PADI1: variants seen among roughly 807,000 people sequenced by gnomAD.
The protein encoded by PADI1 is protein-arginine deiminase type-1.
In PADI1, 65 loss-of-function variants were observed where a neutral mutation model predicts 74.8. That is an observed-to-expected ratio of 0.87 (90% CI 0.71 to 1.07). The LOEUF (loss-of-function observed/expected upper bound fraction) is 1.07, where lower values mean the gene tolerates loss of function less well. Ranked by LOEUF, PADI1 falls within the 50% of genes least tolerant of loss-of-function variation. The probability of loss-of-function intolerance (pLI) is 0.00; values close to 1 mark genes in which losing one functional copy is unlikely to be tolerated. For missense variants in PADI1, 943 were observed against 854.0 expected (o/e 1.10, Z -1.30); for synonymous variants, 371 against 336.2 (o/e 1.10, Z -1.13).
chr1:17,219,262 C>T (rs1194899451), intron 1 of PADI1, among the ~76,000 whole-genome samples: 1 of 151,906 alleles, frequency 6.6e-6, no homozygotes, highest in Non-Finnish European at 1.5e-5. Flanking sequence ...ATCTATGGGA[C>T]TATCCTGGGG....
intron 11 of PADI1, 109 bp from the exon 12 acceptor site, chr1:17,237,205 G>A (rs2072664614): frequency 3.1e-6 from 4 of 1,285,848 alleles, no homozygotes; most frequent in Admixed American, 2.3e-5. Flanking sequence ...CACGTTTAAA[G>A]CGTTCTTTGA....
chr1:17,209,149 T>C (rs974240333), intron 1 of PADI1, among the ~76,000 whole-genome samples: 5 of 152,214 alleles, frequency 3.3e-5, no homozygotes, highest in Admixed American at 2.6e-4. Context: ...AGTAAATTAA[T>C]GCTTTTAACT....
intron 1 of PADI1, among the ~76,000 whole-genome samples, chr1:17,206,394 C>T (rs888678499): frequency 5.9e-5 from 9 of 152,246 alleles, no homozygotes; most frequent in African/African-American, 2.2e-4. Context: ...GGTGGCAGGG[C>T]TGGGGAGGAA....
intron 10 of PADI1, among the ~76,000 whole-genome samples, chr1:17,231,943 G>GTT (rs2072501390): frequency 6.6e-6 from 1 of 151,618 alleles, no homozygotes; most frequent in South Asian, 2.1e-4. Context: ...ACACGTGTTT[G>GTT]TTTGTTTGTT....
intron 1 of PADI1, among the ~76,000 whole-genome samples, chr1:17,210,236 C>A (rs1028374861): frequency 9.9e-5 from 15 of 151,902 alleles, no homozygotes; most frequent in African/African-American, 2.4e-5. Context: ...TGGCTCAGTG[C>A]AACCTCAAAC....
intron 11 of PADI1, 105 bp from the exon 12 acceptor site, chr1:17,237,209 T>G: frequency 7.5e-7 from 1 of 1,331,842 alleles, no homozygotes; most frequent in African/African-American, 1.5e-5. Flanking sequence ...TTTAAAGCGT[T>G]CTTTGAGCAA....
chr1:17,237,642 G>A (rs1227740718), intron 12 of PADI1, among the ~76,000 whole-genome samples, 184 bp downstream of exon 12: 1 of 152,136 alleles, frequency 6.6e-6, no homozygotes, highest in Non-Finnish European at 1.5e-5. Flanking sequence ...TTTGTGCTTG[G>A]ACCCAAATCC....
At chr1:17,211,556 G>A (rs140045682) in intron 1 of PADI1, among the ~76,000 whole-genome samples, 15 of 152,274 alleles carry the variant, frequency 9.9e-5, no homozygotes, top group East Asian at 7.7e-4. Flanking sequence ...GCAGACACGC[G>A]GAGACACAGA....
At chr1:17,213,178 C>T (rs972761724) in intron 1 of PADI1, among the ~76,000 whole-genome samples, 1 of 15,478 alleles carries the variant, frequency 6.5e-5, no homozygotes, top group East Asian at 0.012. Context: ...GAAGTGGGGA[C>T]GTAATCTCCT....
At chr1:17,237,733 T>C (rs1464851880) in intron 12 of PADI1, among the ~76,000 whole-genome samples, 1 of 152,250 alleles carries the variant, frequency 6.6e-6, no homozygotes, top group African/African-American at 2.4e-5. Context: ...TACTCACATG[T>C]TTTAATTCAT....
intron 1 of PADI1, among the ~76,000 whole-genome samples, chr1:17,211,173 C>A (rs999015823): frequency 1.3e-5 from 2 of 151,842 alleles, no homozygotes; most frequent in Admixed American, 1.3e-4. Context: ...CCCTCTGTGA[C>A]TGTAATGATC....
intron 15 of PADI1, among the ~76,000 whole-genome samples, chr1:17,243,369 A>G (rs1421087327): frequency 1.3e-5 from 2 of 152,238 alleles, no homozygotes; most frequent in Admixed American, 1.3e-4. Context: ...TGGCCAGATA[A>G]AAAGCATGGA....
intron 6 of PADI1, among the ~76,000 whole-genome samples, chr1:17,227,590 C>T (rs2072359555): frequency 6.6e-6 from 1 of 151,670 alleles, no homozygotes. Flanking sequence ...AATTACCACT[C>T]CTTAACCCCG....
rs189436231 is a variant in PADI1, at chr1:17,241,365, T to G, written c.1758+605T>G. On this transcript the variant is annotated intron_variant, in intron 15 of 15. Coordinates refer to ENST00000375471, the MANE Select transcript of PADI1 (RefSeq NM_013358.3). ...GAAAGGATGTTGGGGTGTTGGCAGC[T>G]GGCAGGGATGGTCCCCCGGGATGGG... Among the ~76,000 whole-genome samples, 35 of 152,392 alleles carry G rather than the reference T, an allele frequency of 2.3e-4. No homozygotes were observed. The East Asian group carries it at 6.4e-3, about 28-fold the overall frequency.
chr1:17,223,787 A>T (rs2072232515), intron 3 of PADI1, 94 bp downstream of exon 3: 1 of 1,011,898 alleles, frequency 9.9e-7, no homozygotes, highest in African/African-American at 1.6e-5. Context: ...TGGAAGACCC[A>T]TGGCCAGCTT....
At chr1:17,208,987 G>C (rs2071763254) in intron 1 of PADI1, among the ~76,000 whole-genome samples, 1 of 152,222 alleles carries the variant, frequency 6.6e-6, no homozygotes, top group African/African-American at 2.4e-5. Flanking sequence ...GCAAGACTGA[G>C]TCAGGATCAG....
chr1:17,237,317 C>A lies in PADI1; in HGVS notation c.1317C>A (p.Ser439=). ...RILIGSSFPK[S]GGRQMARAVR... ...CCGCCCTCTCCCTCCTGGCCAGGTC[C>A]GGTGGGCGGCAGATGGCCAGGGCAG... Residue 439 remains serine (S), a synonymous_variant, in exon 12 of 16, where the codon TCC becomes TCA. Coordinates refer to ENST00000375471, the MANE Select transcript of PADI1 (RefSeq NM_013358.3). 1 of 1,607,540 alleles carries A rather than the reference C, an allele frequency of 6.2e-7. No homozygotes were observed. The highest frequency in any genetic ancestry group is 1.1e-5 in the South Asian group (1 of 90,326).
intron 1 of PADI1, among the ~76,000 whole-genome samples, chr1:17,221,497 A>G (rs1486889129): frequency 7.2e-6 from 1 of 138,472 alleles, no homozygotes; most frequent in African/African-American, 2.7e-5. Context: ...GAATCAGAGC[A>G]GGGGAAGGGA....
At chr1:17,226,380 A>G (rs2977290) in intron 6 of PADI1, among the ~76,000 whole-genome samples, 119,608 of 152,116 alleles carry the variant, frequency 0.79, 47,633 homozygotes, top group Admixed American at 0.88. Context: ...GGAATTCACT[A>G]TGGCACAACC....
Sources: allele counts gnomAD v4.1 joint callset (sites outside exome capture counted in the v4.1 genomes callset), GRCh38; gene constraint gnomAD v4.1.1; transcripts MANE v1.5; gene names NCBI Gene and HGNC (gene_info 2026-07-23, HGNC 2026-07-21).